ZEB1: variants seen among roughly 807,000 people sequenced by gnomAD.
ZEB1 encodes zinc finger E-box binding homeobox 1.
A neutral mutation model predicts 84.9 loss-of-function variants in ZEB1; 21 were observed. The ratio of observed to expected loss-of-function variants is 0.25; its 90% confidence interval spans 0.18 to 0.36. ZEB1 has a LOEUF of 0.36. ZEB1 is among the 10% of genes least tolerant of loss of function. ZEB1 has a pLI of 1.00. For synonymous variants in ZEB1, 420 were observed against 471.1 expected, an observed-to-expected ratio of 0.89 and a Z score of 1.41; for missense variants, 1,104 against 1,330.2, an observed-to-expected ratio of 0.83 and a Z score of 2.65.
intron 1 of ZEB1, chr10:31,321,090 A>G: frequency 1.0e-6 from 1 of 981,770 alleles, no homozygotes; most frequent in Non-Finnish European, 1.2e-6. Flanking sequence ...TTAGGAGAAA[A>G]CTCTCTCGTG....
chr10:31,495,643 T>C (rs2839663), intron 2 of ZEB1, 133 bp from the exon 3 acceptor site: 10,794 of 837,158 alleles, frequency 0.013, 97 homozygotes, highest in Non-Finnish European at 0.018. Flanking sequence ...GGAGTACATG[T>C]GATATTTTGA....
rs1406430220 is a variant in ZEB1 at position 31,331,079 on chromosome 10, TTC to T, written c.58+11789_58+11790del. Among the ~76,000 whole-genome samples the T allele has an allele frequency of 2.8e-3, 367 of 132,652 alleles. 14 individuals are homozygous for T. Among genetic ancestry groups the T allele is most frequent in the African/African-American group, 0.011 (320 of 28,822 alleles). 87.0% of individuals were successfully genotyped at this position (132,652 alleles called of 152,430 possible). A position where few individuals can be genotyped will look rare whatever the true frequency, so the allele number is the denominator to read the frequency against. On this transcript the variant is annotated intron_variant, in intron 1 of 8. Transcript: ENST00000424869. ...TCATTTTCTTTTCTTTTTTCTTTCT[TTC>T]TTTTTTTTTTTTTTTTTTTTTTTTT... is the stretch of plus-strand genomic sequence containing the variant.
At chr10:31,463,774 T>C (rs2137553701) in intron 2 of ZEB1, among the ~76,000 whole-genome samples, 1 of 152,336 alleles carries the variant, frequency 6.6e-6, no homozygotes. Context: ...AAAGTGGAAC[T>C]GCTACAAATA....
intron 1 of ZEB1, among the ~76,000 whole-genome samples, chr10:31,379,441 C>G (rs1019988258): frequency 6.6e-5 from 10 of 151,792 alleles, no homozygotes; most frequent in Non-Finnish European, 1.0e-4. Context: ...GTCTCTCTCT[C>G]TGTGTGTGTA....
At chr10:31,449,586 C>T (rs147354655) in intron 1 of ZEB1, among the ~76,000 whole-genome samples, 6 of 151,996 alleles carry the variant, frequency 3.9e-5, no homozygotes, top group East Asian at 1.9e-4. Flanking sequence ...TGCATTTTCC[C>T]CCCACTAATT....
At chr10:31,489,712 T>C (rs2066244768) in intron 2 of ZEB1, among the ~76,000 whole-genome samples, 1 of 151,394 alleles carries the variant, frequency 6.6e-6, no homozygotes, top group Non-Finnish European at 1.5e-5. Flanking sequence ...AATCAATCTT[T>C]TACCCTGCCA....
chr10:31,441,976 C>A (rs2059053768), intron 1 of ZEB1, among the ~76,000 whole-genome samples: 2 of 152,184 alleles, frequency 1.3e-5, no homozygotes, highest in African/African-American at 4.8e-5. Flanking sequence ...TAAACTAGTT[C>A]AACCATTGTG....
chr10:31,319,137 C>T (rs1223951212), upstream of ZEB1: 8 of 531,814 alleles, frequency 1.5e-5, no homozygotes, highest in Non-Finnish European at 2.3e-5. Context: ...AAACCAGGTG[C>T]GGTGGGGAGG....
rs188311544 is a variant in ZEB1 at position 31,495,644 on chromosome 10, G to T, written c.260-132G>T. 1.9e-5 allele frequency: 16 copies of T among 846,038 alleles called. No individual in the cohort carries two copies. The Admixed American group carries it at 2.2e-4, about 12-fold the overall frequency. The allele number at this position is 846,038 out of a possible 1,614,324, so 52.4% of individuals were successfully genotyped here. A position where few individuals can be genotyped will look rare whatever the true frequency, so the allele number is the denominator to read the frequency against. On this transcript the variant is annotated intron_variant, in intron 2 of 8. Transcript: ENST00000424869. ...CTGTATATATTTGGGGAGTACATGT[G>T]ATATTTTGATACATGTATACAATGT...
intron 1 of ZEB1, among the ~76,000 whole-genome samples, chr10:31,400,445 G>A (rs2051751786): frequency 6.6e-6 from 1 of 152,028 alleles, no homozygotes; most frequent in Non-Finnish European, 1.5e-5. Flanking sequence ...CATTATATAT[G>A]TAGAACTTTC....
intron 2 of ZEB1, among the ~76,000 whole-genome samples, chr10:31,464,324 G>C (rs1212317813): frequency 6.6e-6 from 1 of 151,948 alleles, no homozygotes; most frequent in Non-Finnish European, 1.5e-5. Context: ...CTGCACTCCA[G>C]CCTGGGCGAC....
At chr10:31,444,014 T>A (rs2059417259) in intron 1 of ZEB1, among the ~76,000 whole-genome samples, 1 of 150,026 alleles carries the variant, frequency 6.7e-6, no homozygotes, top group African/African-American at 2.5e-5. Flanking sequence ...GTTGAACTAG[T>A]TTACAGTCCC....
At chr10:31,371,927 CTT>C (rs2045780128) in intron 1 of ZEB1, among the ~76,000 whole-genome samples, 1 of 152,056 alleles carries the variant, frequency 6.6e-6, no homozygotes, top group Non-Finnish European at 1.5e-5. Flanking sequence ...TTTATATTCT[CTT>C]ATATAATGCC....
chr10:31,348,389 C>A (rs12257828), intron 1 of ZEB1, among the ~76,000 whole-genome samples: 9,581 of 151,938 alleles, frequency 0.063, 754 homozygotes, highest in African/African-American at 0.18. Flanking sequence ...CATAGCGAAA[C>A]CCCATCTCTA....
At chr10:31,484,488 A>G (rs1012764162) in intron 2 of ZEB1, among the ~76,000 whole-genome samples, 8 of 152,022 alleles carry the variant, frequency 5.3e-5, no homozygotes. Flanking sequence ...AAATAAGTAC[A>G]AAAGACATTA....
At chr10:31,380,646 TAAG>T (rs143489720) in intron 1 of ZEB1, among the ~76,000 whole-genome samples, 2,295 of 152,258 alleles carry the variant, frequency 0.015, 42 homozygotes, top group African/African-American at 0.052. Flanking sequence ...AATTCTTCTG[TAAG>T]AAGAAGTTTC....
intron 1 of ZEB1, among the ~76,000 whole-genome samples, chr10:31,446,821 C>G (rs1485110349): frequency 6.6e-6 from 1 of 150,792 alleles, no homozygotes; most frequent in African/African-American, 2.4e-5. Context: ...CTGAGGAGAG[C>G]TTTACTTCCA....
At chr10:31,347,215 T>C (rs2040470370) in intron 1 of ZEB1, among the ~76,000 whole-genome samples, 1 of 152,198 alleles carries the variant, frequency 6.6e-6, no homozygotes, top group Admixed American at 6.5e-5. Flanking sequence ...AATGTATTTC[T>C]TACATAAAGT....
In ZEB1 at chr10:31,405,720, T is replaced by TAAAA. The variant is rs1384573039; in HGVS notation, c.59-55316_59-55313dup. On this transcript the variant is annotated intron_variant, in intron 1 of 8. Transcript: ENST00000424869. ...ATTACACCTAGGCTCTTTTTTTTTT[T>TAAAA]AAAATTTAAGTTCTGGGATACATCT... Among the ~76,000 whole-genome samples, 407 of 151,488 alleles carry TAAAA rather than the reference T, an allele frequency of 2.7e-3. 2 individuals are homozygous for TAAAA. Among genetic ancestry groups the TAAAA allele is most frequent in the African/African-American group, 8.5e-3 (351 of 41,152 alleles).
Sources: gnomAD v4.1 joint callset for allele counts (sites outside exome capture counted in the v4.1 genomes callset) on GRCh38, gnomAD v4.1.1 for gene constraint, MANE v1.5 for transcripts, NCBI Gene and HGNC (gene_info 2026-07-23, HGNC 2026-07-21) for gene names.